The following IDUA variants were observed in gnomAD, a reference collection of about 807,000 sequenced individuals.
IDUA encodes iduronidase alpha-L-.
A neutral mutation model predicts 68.9 loss-of-function variants in IDUA; 65 were observed. The ratio of observed to expected loss-of-function variants is 0.94; its 90% confidence interval spans 0.77 to 1.16. The LOEUF is 1.16. Among genes scored for constraint, IDUA ranks in the 50% most tolerant of loss-of-function variants. IDUA has a pLI of 0.00. For missense variants in IDUA, 1,046 were observed against 938.0 expected, an observed-to-expected ratio of 1.12 and a Z score of -1.50; for synonymous variants, 529 against 433.6, an observed-to-expected ratio of 1.22 and a Z score of -2.73.
At chr4:1,000,455 G>C (rs1715003870) in intron 2 of IDUA, among the ~76,000 whole-genome samples, 157 bp from the exon 3 acceptor site, 1 of 152,216 alleles carries the variant, frequency 6.6e-6, no homozygotes, top group South Asian at 2.1e-4. Context: ...CCTTCATAGG[G>C]TTATTTTCCA....
Position 987,901 on chromosome 4 carries a change from G to A in IDUA, c.251G>A (p.Gly84Asp). 3 of 1,607,382 alleles carry A rather than the reference G, an allele frequency of 1.9e-6. No individual in the cohort carries two copies. Among genetic ancestry groups the A allele is most frequent in the East Asian group, 2.2e-5 (1 of 44,560 alleles). Residue 84 changes from glycine (G) to aspartate (D), a missense_variant, in exon 2 of 14, where the codon GGC becomes GAC. Transcript: ENST00000514224. Reference sequence around the variant, plus strand: ...TATGTGGGCGCCGTCCCTCACCGCGGCATCAAGCAGGTCCGGACCCACTGG... The same window carrying A: ...TATGTGGGCGCCGTCCCTCACCGCGACATCAAGCAGGTCCGGACCCACTGG... ...LAYVGAVPHR[G>D]IKQVRTHWLL...
At chr4:1,000,521 C>A in intron 2 of IDUA, 91 bp from the exon 3 acceptor site, 2 of 1,008,390 alleles carry the variant, frequency 2.0e-6, no homozygotes, top group Non-Finnish European at 3.2e-6. Flanking sequence ...ACCTTGCAGG[C>A]TCCCACATGC....
chr4:991,272 G>T (rs143284684), intron 2 of IDUA: 1 of 1,612,672 alleles, frequency 6.2e-7, no homozygotes, highest in Admixed American at 1.7e-5. Flanking sequence ...GGTCAAAGCC[G>T]GCCAGCTGGA....
chr4:1,003,990 G>A lies in IDUA; in HGVS notation c.1728-22G>A, dbSNP rs747823365. ...TGAGGACTGTCTTGACCCCAGCCTTGTTCTTGGCCTGACCTCCCCAGGTGC... is the reference window on the plus strand; with the variant it reads ...TGAGGACTGTCTTGACCCCAGCCTTATTCTTGGCCTGACCTCCCCAGGTGC... On this transcript the variant is annotated intron_variant, in intron 12 of 13. Transcript: ENST00000514224. 3 of 1,594,668 alleles carry A rather than the reference G, an allele frequency of 1.9e-6. No homozygotes were observed. In the South Asian group the frequency reaches 3.3e-5, roughly 18 times the overall value.
In IDUA at chr4:1,002,129, G is replaced by A. The variant is rs1715123919; in HGVS notation, c.940G>A (p.Ala314Thr). Residue 314 changes from alanine to threonine, a missense_variant, in exon 7 of 14, where the codon GCG becomes ACG. Ala to Thr is a moderately conservative substitution (Grantham distance 58, BLOSUM62 0). Transcript: ENST00000514224. The part of the protein sequence containing the change: ...VGWSLPQPWR[A>T]DVTYAAMVVK... ...CTGGTCCCTGCCACAGCCGTGGAGG[G>A]CGGACGTGACCTACGCGGCCATGGT... 6.4e-7 allele frequency: 1 copy of A among 1,565,968 alleles called. No homozygotes were observed. The highest frequency in any genetic ancestry group is 1.2e-5 in the South Asian group (1 of 85,376).
At chr4:991,606 G>A in intron 2 of IDUA, 1 of 1,593,970 alleles carries the variant, frequency 6.3e-7, no homozygotes, top group Non-Finnish European at 8.5e-7. Flanking sequence ...CCACAGCCTG[G>A]CCTTCAGCAT....
chr4:1,002,954 G>T lies in IDUA; in HGVS notation c.1402+10G>T, dbSNP rs1298848448. 1 of 1,363,056 alleles carries T rather than the reference G, an allele frequency of 7.3e-7. No homozygotes were observed. The highest frequency in any genetic ancestry group is 9.4e-7 in the Non-Finnish European group (1 of 1,064,874). 84.4% of individuals were successfully genotyped at this position (1,363,056 alleles called of 1,614,324 possible). Reference sequence around the variant, plus strand: ...GTGCCCCCCGGCCCGGGTAAGCCGGGGTTCCAGGGAGGTCTCTGGCCCCGC... The same window carrying T: ...GTGCCCCCCGGCCCGGGTAAGCCGGTGTTCCAGGGAGGTCTCTGGCCCCGC... On this transcript the variant is annotated intron_variant, in intron 9 of 13. Transcript: ENST00000514224.
rs115134980 is a variant in IDUA, at chr4:1,002,980, T to C, written c.1402+36T>C. The stretch of plus-strand genomic sequence containing the variant: ...GTTCCAGGGAGGTCTCTGGCCCCGC[T>C]GGGGCTCTGGAGGGGGCGGCCCGGG... On this transcript the variant is annotated intron_variant, in intron 9 of 13. Coordinates refer to ENST00000514224, the MANE Select transcript of IDUA (RefSeq NM_000203.5). The C allele has an allele frequency of 0.16, 225,511 of 1,392,176 alleles. 19,452 individuals are homozygous for C. Among genetic ancestry groups the C allele is most frequent in the South Asian group, 0.29 (18,370 of 62,942 alleles). The allele number at this position is 1,392,176 out of a possible 1,614,324, so 86.2% of individuals were successfully genotyped here. A position where few individuals can be genotyped will look rare whatever the true frequency, so the allele number is the denominator to read the frequency against.
In IDUA at chr4:989,391, G is replaced by A. The variant is rs745322519; in HGVS notation, c.299+1442G>A. The stretch of plus-strand genomic sequence containing the variant: ...CATCCTCGTAGAAGGCCGTGTCCCC[G>A]ATGCGGGCCAGCAGGGCGGTGCGTG... On this transcript the variant is annotated intron_variant, in intron 2 of 13. Transcript: ENST00000514224. 8.3e-6 allele frequency: 13 copies of A among 1,569,620 alleles called. No individual in the cohort carries two copies. The East Asian group carries it at 9.5e-5, about 11-fold the overall frequency.
chr4:996,838 G>T (rs1230994349), intron 2 of IDUA, among the ~76,000 whole-genome samples: 1 of 152,114 alleles, frequency 6.6e-6, no homozygotes, highest in Admixed American at 6.5e-5. Flanking sequence ...GAGAGAGTGG[G>T]TAGCCCATTC....
rs144938228 is a variant in IDUA at position 990,110 on chromosome 4, C to T, written c.299+2161C>T. 3,914 of 1,586,116 alleles carry T rather than the reference C, an allele frequency of 2.5e-3. 107 individuals are homozygous for T. The African/African-American group carries it at 0.047, about 19-fold the overall frequency. ...CGGTAGCGGTCTGAGAGCTCCTTCG[C>T]GGCTAGCAGCACCGCCAGGCACACC... On this transcript the variant is annotated intron_variant, in intron 2 of 13. Coordinates refer to ENST00000514224, the MANE Select transcript of IDUA (RefSeq NM_000203.5).
rs941426443 is a variant in IDUA, at chr4:1,003,329, C to T, written c.1525-16C>T. ...AGCTCCCCTGGAGAACCCTGAGGACCGGCCACTGCGCCCAGGACCCGGTGG... is the reference window on the plus strand; with the variant it reads ...AGCTCCCCTGGAGAACCCTGAGGACTGGCCACTGCGCCCAGGACCCGGTGG... On this transcript the variant is annotated splice_polypyrimidine_tract_variant and intron_variant, in intron 10 of 13. Coordinates refer to ENST00000514224, the MANE Select transcript of IDUA (RefSeq NM_000203.5). 6.4e-5 allele frequency: 93 copies of T among 1,448,042 alleles called. No individual in the cohort carries two copies. The highest frequency in any genetic ancestry group is 7.3e-5 in the Non-Finnish European group (81 of 1,109,044). 89.7% of individuals were successfully genotyped at this position (1,448,042 alleles called of 1,614,324 possible).
At chr4:989,009 G>A in intron 2 of IDUA, 2 of 1,590,352 alleles carry the variant, frequency 1.3e-6, no homozygotes, top group Non-Finnish European at 1.7e-6. Flanking sequence ...GCTAGCAGCA[G>A]GCTGATGCCC....
At chr4:987,268 C>T in intron 1 of IDUA, 26 bp downstream of exon 1, 2 of 1,511,934 alleles carry the variant, frequency 1.3e-6, no homozygotes, top group East Asian at 2.6e-5. Flanking sequence ...CCTCCGGGAC[C>T]CCCTGGCCGC....
chr4:987,351 C>A, intron 1 of IDUA, 109 bp downstream of exon 1: 3 of 1,078,842 alleles, frequency 2.8e-6, no homozygotes, highest in Non-Finnish European at 3.9e-6. Flanking sequence ...TCCTCTGGGG[C>A]CCTGGCTCTC....
intron 9 of IDUA, 39 bp downstream of exon 9, chr4:1,002,983 G>T: frequency 7.1e-7 from 1 of 1,401,642 alleles, no homozygotes; most frequent in Non-Finnish European, 9.2e-7. Context: ...GCCCCGCTGG[G>T]GCTCTGGAGG....
rs766574778 is a variant in IDUA, at chr4:1,001,692, C to T, written c.603C>T (p.Tyr201=). The T allele has an allele frequency of 6.2e-7, 1 of 1,600,936 alleles. No individual in the cohort carries two copies. Residue 201 remains tyrosine, a synonymous_variant, in exon 6 of 14, where the codon TAC becomes TAT. Coordinates refer to ENST00000514224, the MANE Select transcript of IDUA (RefSeq NM_000203.5). ...VSMTMQGFLN[Y]YDACSEGLRA... ...CCCCCGGCCCAGGCTTCCTGAACTACTACGATGCCTGCTCGGAGGGTCTGC... is the reference window on the plus strand; with the variant it reads ...CCCCCGGCCCAGGCTTCCTGAACTATTACGATGCCTGCTCGGAGGGTCTGC...
intron 9 of IDUA, 33 bp downstream of exon 9, chr4:1,002,977 CGCTGG>C: frequency 1.4e-6 from 2 of 1,389,614 alleles, no homozygotes; most frequent in Non-Finnish European, 1.9e-6. Flanking sequence ...TCTCTGGCCC[CGCTGG>C]GGCTCTGGAG....
intron 2 of IDUA, among the ~76,000 whole-genome samples, chr4:999,132 G>C (rs1340540744): frequency 2.0e-5 from 3 of 151,904 alleles, no homozygotes; most frequent in Admixed American, 6.6e-5. Flanking sequence ...GTGAACCCGG[G>C]AGGGGGAGCT....
Sources: allele counts gnomAD v4.1 joint callset (sites outside exome capture counted in the v4.1 genomes callset), GRCh38; gene constraint gnomAD v4.1.1; transcripts MANE v1.5; gene names NCBI Gene and HGNC (gene_info 2026-07-23, HGNC 2026-07-21).